GSTCD: variants seen among roughly 807,000 people sequenced by gnomAD.
GSTCD encodes the protein glutathione S-transferase C-terminal domain containing, also known as glutathione S-transferase C-terminal domain-containing protein.
GSTCD carries 44 observed loss-of-function variants against 68.3 expected under a neutral mutation model. The ratio of observed to expected loss-of-function variants is 0.64; its 90% confidence interval spans 0.51 to 0.83. The LOEUF (loss-of-function observed/expected upper bound fraction) is 0.83, where lower values mean the gene tolerates loss of function less well. GSTCD is among the 40% of genes least tolerant of loss of function. The pLI is 0.00. For missense variants in GSTCD, 739 were observed against 735.9 expected (o/e 1.00, Z -0.05); for synonymous variants, 273 against 255.2 (o/e 1.07, Z -0.67).
intron 5 of GSTCD, among the ~76,000 whole-genome samples, chr4:105,788,244 A>G (rs1735538346): frequency 6.6e-6 from 1 of 152,052 alleles, no homozygotes; most frequent in Non-Finnish European, 1.5e-5. Context: ...TAGAAGTTAT[A>G]TTTCCTACAT....
At chr4:105,732,423 G>T (rs1302020304) in intron 5 of GSTCD, among the ~76,000 whole-genome samples, 1 of 152,038 alleles carries the variant, frequency 6.6e-6, no homozygotes, top group East Asian at 1.9e-4. Flanking sequence ...ATCTTTGGAG[G>T]GTGTATGTGT....
rs979403314 is a variant in GSTCD at position 105,785,480 on chromosome 4, T to C, written c.1241-37474T>C. On this transcript the variant is annotated intron_variant, in intron 5 of 11. Transcript: ENST00000515279. ...ACAGGGCAACAACCACATTTATTTGTATCAATATCGATTCATGGATTTTTA... is the reference window on the plus strand; with the variant it reads ...ACAGGGCAACAACCACATTTATTTGCATCAATATCGATTCATGGATTTTTA... Among the ~76,000 whole-genome samples, 54 of 152,314 alleles carry C rather than the reference T, an allele frequency of 3.5e-4. No homozygotes were observed. In the Middle Eastern group the frequency reaches 0.014, roughly 38 times the overall value.
At position 105,792,250 on chromosome 4, in the gene GSTCD, G is replaced by A. The variant is rs567442970; in HGVS notation, c.1241-30704G>A. Among the ~76,000 whole-genome samples the A allele has an allele frequency of 1.7e-3, 254 of 152,032 alleles. 2 individuals are homozygous for A. The highest frequency in any genetic ancestry group is 2.8e-3 in the Non-Finnish European group (191 of 68,006). On this transcript the variant is annotated intron_variant, in intron 5 of 11. Coordinates refer to ENST00000515279, the MANE Select transcript of GSTCD (RefSeq NM_001370181.1). ...ACTGTCTCATCTAGTAGTCTGTGTGGTATCCAACAGATATTCAACAAAGCT... is the reference window on the plus strand; with the variant it reads ...ACTGTCTCATCTAGTAGTCTGTGTGATATCCAACAGATATTCAACAAAGCT...
intron 5 of GSTCD, among the ~76,000 whole-genome samples, chr4:105,758,475 C>T (rs1167611271): frequency 2.0e-5 from 3 of 152,168 alleles, no homozygotes; most frequent in Admixed American, 6.6e-5. Flanking sequence ...TCCCGTCACT[C>T]GCTCTCTCTT....
chr4:105,842,079 G>A lies in GSTCD; in HGVS notation c.1710G>A (p.Leu570=), dbSNP rs1203986075. The A allele has an allele frequency of 1.2e-6, 2 of 1,613,592 alleles. No individual in the cohort carries two copies. Among genetic ancestry groups the A allele is most frequent in the African/African-American group, 1.3e-5 (1 of 74,890 alleles). The change falls in exon 11 of 12, where the codon CTG becomes CTA. Residue 570 remains leucine, a synonymous_variant. Coordinates refer to ENST00000515279, the MANE Select transcript of GSTCD (RefSeq NM_001370181.1). ...KTLSYKEHMI[L]CRFADQTAVQ... The stretch of plus-strand genomic sequence containing the variant: ...TTTTCTTTTAGGAACACATGATTCT[G>A]TGCAGATTTGCAGACCAGACAGCTG...
rs76453119 is a variant in GSTCD at position 105,824,926 on chromosome 4, C to T, written c.1402-746C>T. On this transcript the variant is annotated intron_variant, in intron 7 of 11. Coordinates refer to ENST00000515279, the MANE Select transcript of GSTCD (RefSeq NM_001370181.1). The stretch of plus-strand genomic sequence containing the variant: ...AAAATACCCTTCCATTCCCCCCAAA[C>T]CGATTTGTATTCATTTTTTAGGCCT... 8.6e-3 allele frequency among the ~76,000 whole-genome samples: 1,308 copies of T among 152,256 alleles called. 19 individuals are homozygous for T. The highest frequency in any genetic ancestry group is 0.029 in the African/African-American group (1,210 of 41,546).
At chr4:105,822,320 G>A (rs539755073) in intron 5 of GSTCD, among the ~76,000 whole-genome samples, 7 of 151,996 alleles carry the variant, frequency 4.6e-5, no homozygotes, top group African/African-American at 1.2e-4. Context: ...AGGAAAGGAA[G>A]CTTCAAAGCA....
chr4:105,847,120 G>C lies in GSTCD; in HGVS notation c.*1543G>C, dbSNP rs562293656. The C allele has an allele frequency of 2.6e-5, 4 of 152,212 alleles. No homozygotes were observed. Among genetic ancestry groups the C allele is most frequent in the African/African-American group, 7.2e-5 (3 of 41,532 alleles). 9.4% of individuals were successfully genotyped at this position (152,212 alleles called of 1,614,324 possible). A position where few individuals can be genotyped will look rare whatever the true frequency, so the allele number is the denominator to read the frequency against. On this transcript the variant is annotated 3_prime_UTR_variant, in exon 12 of 12. Transcript: ENST00000515279. ...TTTTCTGCCAGCCAACATTTTAAAA[G>C]ACAAATGATGCATCCTTTCTCAATG... is the stretch of plus-strand genomic sequence containing the variant.
intron 5 of GSTCD, among the ~76,000 whole-genome samples, chr4:105,797,760 C>CT (rs70941218): frequency 0.013 from 1,067 of 84,904 alleles, 40 homozygotes; most frequent in Non-Finnish European, 0.018. Context: ...CACAATAGAA[C>CT]TTTTTTTTTT....
intron 10 of GSTCD, among the ~76,000 whole-genome samples, chr4:105,839,924 C>T (rs1478843211): frequency 6.6e-6 from 1 of 152,150 alleles, no homozygotes; most frequent in Non-Finnish European, 1.5e-5. Context: ...CTCCCCAGTA[C>T]ACCAGTCATA....
At position 105,847,632 on chromosome 4, in the gene GSTCD, G is replaced by A. The variant is rs188270278; in HGVS notation, c.*2055G>A. On this transcript the variant is annotated 3_prime_UTR_variant, in exon 12 of 12. Transcript: ENST00000515279. The stretch of plus-strand genomic sequence containing the variant: ...TTACCTACTTATTTTCATAATGAAT[G>A]TTTTACTTGTGATGAAGATTTAACT... The A allele has an allele frequency of 3.2e-4, 49 of 152,188 alleles. No homozygotes were observed. Among genetic ancestry groups the A allele is most frequent in the African/African-American group, 1.1e-3 (47 of 41,536 alleles). 9.4% of individuals were successfully genotyped at this position (152,188 alleles called of 1,614,324 possible).
chr4:105,813,221 T>C (rs1198313704), intron 5 of GSTCD, among the ~76,000 whole-genome samples: 1 of 152,212 alleles, frequency 6.6e-6, no homozygotes, highest in Non-Finnish European at 1.5e-5. Context: ...TAAAATATGC[T>C]TAGCACATCG....
chr4:105,759,817 AC>A (rs1372140537), intron 5 of GSTCD, among the ~76,000 whole-genome samples: 1 of 152,150 alleles, frequency 6.6e-6, no homozygotes, highest in Non-Finnish European at 1.5e-5. Flanking sequence ...GTGGACTTAA[AC>A]AAAAAATTGA....
intron 11 of GSTCD, among the ~76,000 whole-genome samples, chr4:105,842,402 G>A (rs1051038814): frequency 6.6e-6 from 1 of 151,956 alleles, no homozygotes; most frequent in African/African-American, 2.4e-5. Flanking sequence ...ATCTCTTACT[G>A]TTATGAACAA....
chr4:105,820,374 G>T lies in GSTCD; in HGVS notation c.1241-2580G>T, dbSNP rs892776873. 3.3e-5 allele frequency among the ~76,000 whole-genome samples: 5 copies of T among 151,746 alleles called. No homozygotes were observed. In the South Asian group the frequency reaches 8.3e-4, roughly 25 times the overall value. ...TTTGTATTAAAATATTCTACACTTA[G>T]ATTTCTTTTTCCGTGACACTAGAGA... is the stretch of plus-strand genomic sequence containing the variant. On this transcript the variant is annotated intron_variant, in intron 5 of 11. Coordinates refer to ENST00000515279, the MANE Select transcript of GSTCD (RefSeq NM_001370181.1).
At chr4:105,812,045 G>C (rs970816258) in intron 5 of GSTCD, among the ~76,000 whole-genome samples, 14 of 152,202 alleles carry the variant, frequency 9.2e-5, no homozygotes, top group African/African-American at 3.4e-4. Context: ...CAGTTCTAGA[G>C]AGCAGTGTGA....
chr4:105,844,441 A>G (rs969538837), intron 11 of GSTCD, among the ~76,000 whole-genome samples: 1 of 152,174 alleles, frequency 6.6e-6, no homozygotes, highest in Non-Finnish European at 1.5e-5. Context: ...TGAGTCTCTC[A>G]TTGCTAATTC....
In GSTCD at chr4:105,743,653, C is replaced by CTTT. The variant is rs777714268; in HGVS notation, c.1240+14178_1240+14180dup. Among the ~76,000 whole-genome samples the CTTT allele has an allele frequency of 5.9e-3, 522 of 88,880 alleles. 61 individuals are homozygous for CTTT. Among genetic ancestry groups the CTTT allele is most frequent in the African/African-American group, 0.024 (474 of 19,692 alleles). 58.3% of individuals were successfully genotyped at this position (88,880 alleles called of 152,430 possible). ...AAATATTTCCTAAAAACAGGACATT[C>CTTT]TTTTTTTTTTTTTTTTTTTTTTTTT... is the stretch of plus-strand genomic sequence containing the variant. On this transcript the variant is annotated intron_variant, in intron 5 of 11. Coordinates refer to ENST00000515279, the MANE Select transcript of GSTCD (RefSeq NM_001370181.1).
At position 105,787,886 on chromosome 4, in the gene GSTCD, A is replaced by G. The variant is rs920627876; in HGVS notation, c.1241-35068A>G. On this transcript the variant is annotated intron_variant, in intron 5 of 11. Transcript: ENST00000515279. ...CATTATTACTATTTTAAAACTAAAC[A>G]TTTAAAACTTTTATTCCATTAGAAC... Among the ~76,000 whole-genome samples the G allele has an allele frequency of 8.5e-5, 13 of 152,240 alleles. No homozygotes were observed. The East Asian group carries it at 1.7e-3, about 20-fold the overall frequency.
Sources: allele counts gnomAD v4.1 joint callset (sites outside exome capture counted in the v4.1 genomes callset), GRCh38; gene constraint gnomAD v4.1.1; transcripts MANE v1.5; gene names NCBI Gene and HGNC (gene_info 2026-07-23, HGNC 2026-07-21).